GRM7: variants seen among roughly 807,000 people sequenced by gnomAD.
The protein encoded by GRM7 is glutamate metabotropic receptor 7, also known as metabotropic glutamate receptor 7.
Under a neutral mutation model 84.5 loss-of-function variants are expected in GRM7, and 35 were observed. The ratio of observed to expected loss-of-function variants is 0.41; its 90% CI spans 0.32 to 0.55. The LOEUF is 0.55. GRM7 is among the 20% of genes least tolerant of loss of function. The pLI is 0.19. For missense variants in GRM7, 1,003 were observed against 1,194.6 expected, an observed-to-expected ratio of 0.84 and a Z score of 2.36; for synonymous variants, 487 against 455.1, an observed-to-expected ratio of 1.07 and a Z score of -0.89.
At chr3:7,648,984 C>A (rs980457444) in intron 8 of GRM7, among the ~76,000 whole-genome samples, 2 of 152,088 alleles carry the variant, frequency 1.3e-5, no homozygotes, top group Admixed American at 6.5e-5. Context: ...TCATTGTTTC[C>A]CCCCAGGCCC....
chr3:7,711,846 C>T (rs746964283), intron 9 of GRM7, among the ~76,000 whole-genome samples: 1 of 152,246 alleles, frequency 6.6e-6, no homozygotes, highest in Non-Finnish European at 1.5e-5. Flanking sequence ...GCTCCCAAAA[C>T]AGTGAGCACA....
chr3:7,568,464 G>A (rs111313416), intron 7 of GRM7, among the ~76,000 whole-genome samples: 11,280 of 152,316 alleles, frequency 0.074, 1,295 homozygotes, highest in African/African-American at 0.25. Flanking sequence ...ACTCGCTCTC[G>A]GCGCCTCCTC....
Position 6,961,924 on chromosome 3 carries a change from TAAAC to T in GRM7, c.519+100018_519+100021del, listed in dbSNP as rs544411883. On this transcript the variant is annotated intron_variant, in intron 1 of 9. Coordinates refer to ENST00000357716, the MANE Select transcript of GRM7 (RefSeq NM_000844.4). ...CCATCCCATCTAAAAAAAAATAAAATAAACTAACTACAAACTTCCTACAGCCAGG... is the reference window on the plus strand; with the variant it reads ...CCATCCCATCTAAAAAAAAATAAAATTAACTACAAACTTCCTACAGCCAGG... 2.2e-4 allele frequency among the ~76,000 whole-genome samples: 34 copies of T among 152,208 alleles called. No individual in the cohort carries two copies. In the South Asian group the frequency reaches 7.0e-3, roughly 32 times the overall value.
At chr3:7,299,608 G>T (rs574662184) in intron 3 of GRM7, among the ~76,000 whole-genome samples, 56 of 152,182 alleles carry the variant, frequency 3.7e-4, no homozygotes, top group Middle Eastern at 3.4e-3. Context: ...TATCCTTGTG[G>T]AGATATTCTG....
At position 6,897,359 on chromosome 3, in the gene GRM7, G is replaced by T. The variant is rs571599671; in HGVS notation, c.519+35452G>T. 5.8e-4 allele frequency among the ~76,000 whole-genome samples: 88 copies of T among 152,310 alleles called. No homozygotes were observed. The South Asian group carries it at 0.017, about 29-fold the overall frequency. ...TCAGGGACTCTGGGATTGAGCCCCA[G>T]TGTCTGTGTTTTAACAAATGCTCCA... On this transcript the variant is annotated intron_variant, in intron 1 of 9. Transcript: ENST00000357716.
intron 4 of GRM7, among the ~76,000 whole-genome samples, chr3:7,410,308 C>T (rs111735274): frequency 0.016 from 2,363 of 152,182 alleles, 66 homozygotes; most frequent in African/African-American, 0.055. Context: ...TGGTGGCTCA[C>T]GCCTGTAATC....
Position 6,889,193 on chromosome 3 carries a change from T to G in GRM7, c.519+27286T>G, listed in dbSNP as rs1695830708. 2.0e-5 allele frequency among the ~76,000 whole-genome samples: 3 copies of G among 152,262 alleles called. No individual in the cohort carries two copies. The South Asian group carries it at 6.2e-4, about 32-fold the overall frequency. On this transcript the variant is annotated intron_variant, in intron 1 of 9. Transcript: ENST00000357716. ...CACCTGCAAACAGGGACAATTTGAC[T>G]TCCTCTTTTCCTAATTGAATGCCCT...
At chr3:7,589,035 C>T (rs1449278954) in intron 8 of GRM7, among the ~76,000 whole-genome samples, 1 of 152,198 alleles carries the variant, frequency 6.6e-6, no homozygotes, top group Non-Finnish European at 1.5e-5. Context: ...CGAAATCTGC[C>T]TTCCAATTCT....
intron 8 of GRM7, among the ~76,000 whole-genome samples, chr3:7,614,914 G>T (rs1697014088): frequency 6.6e-6 from 1 of 151,978 alleles, no homozygotes; most frequent in Non-Finnish European, 1.5e-5. Flanking sequence ...TATTCTTTCT[G>T]ACTCTCCACA....
At chr3:7,025,784 A>G (rs181508594) in intron 1 of GRM7, among the ~76,000 whole-genome samples, 1 of 152,202 alleles carries the variant, frequency 6.6e-6, no homozygotes, top group Admixed American at 6.5e-5. Flanking sequence ...AGAGGGGATT[A>G]GTAAGTGACC....
intron 7 of GRM7, among the ~76,000 whole-genome samples, chr3:7,514,100 A>G (rs1027767125): frequency 1.3e-5 from 2 of 152,236 alleles, no homozygotes; most frequent in Non-Finnish European, 2.9e-5. Flanking sequence ...TGAGTCAATG[A>G]GAATGAACCT....
intron 1 of GRM7, among the ~76,000 whole-genome samples, chr3:6,936,096 C>A (rs1026406864): frequency 6.6e-6 from 1 of 152,194 alleles, no homozygotes; most frequent in Non-Finnish European, 1.5e-5. Flanking sequence ...ACTTTCCCAG[C>A]ACCCAGCTCT....
chr3:7,546,343 A>G (rs972890446), intron 7 of GRM7, among the ~76,000 whole-genome samples: 2 of 152,176 alleles, frequency 1.3e-5, no homozygotes, highest in African/African-American at 4.8e-5. Context: ...CGGACACCTG[A>G]CCATGGCAGT....
intron 1 of GRM7, among the ~76,000 whole-genome samples, chr3:6,957,624 T>C (rs339023): frequency 0.63 from 95,957 of 152,050 alleles, 30,876 homozygotes; most frequent in African/African-American, 0.78. Flanking sequence ...CCCACCCCGA[T>C]TTACCCTCCT....
chr3:7,229,741 ATATATATATATATATATATT>A (rs1559514565), intron 2 of GRM7, among the ~76,000 whole-genome samples: 4,178 of 38,062 alleles, frequency 0.11, 442 homozygotes, highest in Middle Eastern at 0.2. Flanking sequence ...ATATATATAT[ATATATATATATATATATATT>A]TTTTTTTTTT....
intron 1 of GRM7, among the ~76,000 whole-genome samples, chr3:6,960,615 C>T (rs1693256466): frequency 6.6e-6 from 1 of 152,088 alleles, no homozygotes; most frequent in Admixed American, 6.6e-5. Flanking sequence ...TTTCCAATTC[C>T]TCACTCTCCA....
intron 1 of GRM7, among the ~76,000 whole-genome samples, chr3:6,938,198 A>G (rs1697756074): frequency 3.3e-5 from 5 of 152,196 alleles, no homozygotes; most frequent in Admixed American, 3.3e-4. Flanking sequence ...TTCATTCACC[A>G]TTTTGAACTG....
intron 2 of GRM7, among the ~76,000 whole-genome samples, chr3:7,193,276 T>C (rs1695774970): frequency 2.6e-5 from 4 of 152,142 alleles, no homozygotes; most frequent in Admixed American, 6.6e-5. Flanking sequence ...AAATAGATTG[T>C]TGATCTCTGA....
At chr3:7,710,378 C>T (rs1448640809) in intron 9 of GRM7, among the ~76,000 whole-genome samples, 1 of 152,164 alleles carries the variant, frequency 6.6e-6, no homozygotes, top group Non-Finnish European at 1.5e-5. Flanking sequence ...GCACAAAGTG[C>T]AGCCCTGTCA....
Sources: gnomAD v4.1 joint callset for allele counts (sites outside exome capture counted in the v4.1 genomes callset) on GRCh38, gnomAD v4.1.1 for gene constraint, MANE v1.5 for transcripts, NCBI Gene and HGNC (gene_info 2026-07-23, HGNC 2026-07-21) for gene names.